Variants in OLA1 observed in about 807,000 individuals in gnomAD.
OLA1 encodes the protein Obg like ATPase 1.
A neutral mutation model predicts 48.4 loss-of-function variants in OLA1; 14 were observed. The ratio of observed to expected loss-of-function variants is 0.29; its 90% CI spans 0.19 to 0.45. OLA1 has a LOEUF of 0.45. Ranked by LOEUF, OLA1 falls within the 20% of genes least tolerant of loss-of-function variation. OLA1 has a pLI of 1.00. For synonymous variants in OLA1, 127 were observed against 150.4 expected, an observed-to-expected ratio of 0.84 and a Z score of 1.14; for missense variants, 325 against 467.1, an observed-to-expected ratio of 0.70 and a Z score of 2.80.
chr2:174,101,755 G>A (rs1685402510), intron 7 of OLA1, among the ~76,000 whole-genome samples: 1 of 152,190 alleles, frequency 6.6e-6, no homozygotes, highest in Non-Finnish European at 1.5e-5. Context: ...TGCAGTTTTA[G>A]TCTTGCTTGA....
At chr2:174,128,489 G>C (rs1686097526) in intron 5 of OLA1, among the ~76,000 whole-genome samples, 1 of 151,700 alleles carries the variant, frequency 6.6e-6, no homozygotes, top group African/African-American at 2.4e-5. Context: ...TAGCACTTTG[G>C]GAAGCCAAGG....
At chr2:174,239,242 C>A (rs1310003952) in intron 2 of OLA1, among the ~76,000 whole-genome samples, 2 of 152,006 alleles carry the variant, frequency 1.3e-5, no homozygotes, top group Non-Finnish European at 2.9e-5. Context: ...AATATATGTA[C>A]AAAATTTCAA....
chr2:174,232,729 A>G (rs1217449334), intron 2 of OLA1, among the ~76,000 whole-genome samples: 7 of 152,238 alleles, frequency 4.6e-5, no homozygotes, highest in African/African-American at 1.7e-4. Context: ...GCAAGAGTAC[A>G]GAGAAATTAG....
chr2:174,101,181 T>TTGG (rs1173541500), intron 7 of OLA1, among the ~76,000 whole-genome samples: 2 of 152,192 alleles, frequency 1.3e-5, no homozygotes, highest in Non-Finnish European at 2.9e-5. Context: ...TTATCCACAC[T>TTGG]TGGTGGTGTT....
chr2:174,208,807 C>A (rs1239820568), intron 4 of OLA1, among the ~76,000 whole-genome samples: 1 of 152,192 alleles, frequency 6.6e-6, no homozygotes, highest in African/African-American at 2.4e-5. Flanking sequence ...ATTCCCTTAG[C>A]CAGGTTCTCT....
intron 4 of OLA1, among the ~76,000 whole-genome samples, chr2:174,202,813 G>A (rs1688020659): frequency 6.6e-6 from 1 of 151,882 alleles, no homozygotes; most frequent in Non-Finnish European, 1.5e-5. Flanking sequence ...TCAAAAATAC[G>A]GTATATAACA....
chr2:174,166,122 TAA>T (rs56760276), intron 4 of OLA1, among the ~76,000 whole-genome samples: 57,773 of 143,380 alleles, frequency 0.4, 13,023 homozygotes, highest in East Asian at 0.94. Context: ...GAGACTCCAT[TAA>T]AAAAAAAAAA....
At chr2:174,185,905 T>C (rs1391384395) in intron 4 of OLA1, among the ~76,000 whole-genome samples, 2 of 152,000 alleles carry the variant, frequency 1.3e-5, no homozygotes, top group Non-Finnish European at 2.9e-5. Context: ...CCAGCCTAGA[T>C]GACAAAGCAA....
chr2:174,081,105 C>T, intron 9 of OLA1, 47 bp downstream of exon 9: 1 of 1,469,354 alleles, frequency 6.8e-7, no homozygotes. Flanking sequence ...AATCTGAATT[C>T]AATAGTGTGG....
chr2:174,082,625 CAG>C (rs1405003184), intron 7 of OLA1, among the ~76,000 whole-genome samples: 1 of 152,070 alleles, frequency 6.6e-6, no homozygotes, highest in Non-Finnish European at 1.5e-5. Context: ...TGCAGAAATA[CAG>C]ATTTACAAAT....
chr2:174,200,170 A>G (rs1035652105), intron 4 of OLA1, among the ~76,000 whole-genome samples: 2 of 152,154 alleles, frequency 1.3e-5, no homozygotes, highest in African/African-American at 2.4e-5. Flanking sequence ...TACGGTAAAT[A>G]CTGATTGACA....
At chr2:174,130,609 C>G (rs188270324) in intron 5 of OLA1, among the ~76,000 whole-genome samples, 1 of 152,242 alleles carries the variant, frequency 6.6e-6, no homozygotes, top group Non-Finnish European at 1.5e-5. Context: ...AGGCAACTGT[C>G]CCTATGATTC....
At chr2:174,095,849 G>A (rs1032973172) in intron 7 of OLA1, among the ~76,000 whole-genome samples, 3 of 151,994 alleles carry the variant, frequency 2.0e-5, no homozygotes, top group African/African-American at 7.2e-5. Context: ...CAGAAATTAA[G>A]TTTAAAAATA....
intron 4 of OLA1, among the ~76,000 whole-genome samples, chr2:174,167,106 T>C (rs1175362355): frequency 6.6e-6 from 1 of 151,978 alleles, no homozygotes; most frequent in Non-Finnish European, 1.5e-5. Context: ...CAACACAACA[T>C]TTAGCCTATC....
At chr2:174,220,080 C>T (rs150770392) in intron 4 of OLA1, among the ~76,000 whole-genome samples, 67 of 152,100 alleles carry the variant, frequency 4.4e-4, no homozygotes, top group Non-Finnish European at 7.5e-4. Context: ...TTCAGTGAGC[C>T]GAGATGATGC....
rs754969569 is a variant in OLA1, at chr2:174,079,835, C to A, written c.967-745G>T. Among the ~76,000 whole-genome samples, 4 of 151,900 alleles carry A rather than the reference C, an allele frequency of 2.6e-5. No individual in the cohort carries two copies. The East Asian group carries it at 7.7e-4, about 29-fold the overall frequency. On this transcript the variant is annotated intron_variant, in intron 9 of 10. Coordinates refer to ENST00000284719, the MANE Select transcript of OLA1 (RefSeq NM_013341.5). ...CTGACACTAGAAAGCACAGTTTTTA[C>A]AATAAAAGATGTATTGGGTTAATAT...
intron 4 of OLA1, among the ~76,000 whole-genome samples, chr2:174,202,651 G>C (rs1282840071): frequency 1.3e-5 from 2 of 151,810 alleles, no homozygotes; most frequent in Non-Finnish European, 2.9e-5. Context: ...CACTTAATAG[G>C]GACCGTAGAT....
At chr2:174,077,879 G>A (rs370432283) in intron 10 of OLA1, among the ~76,000 whole-genome samples, 9 of 151,916 alleles carry the variant, frequency 5.9e-5, no homozygotes, top group African/African-American at 1.2e-4. Context: ...ATTTTTGTTC[G>A]TCTAATTAGT....
chr2:174,089,182 G>C (rs914091321), intron 7 of OLA1, among the ~76,000 whole-genome samples: 1 of 152,048 alleles, frequency 6.6e-6, no homozygotes, highest in African/African-American at 2.4e-5. Context: ...CCAAATGAGT[G>C]AGACCTCATC....
Sources: allele counts gnomAD v4.1 joint callset (sites outside exome capture counted in the v4.1 genomes callset), GRCh38; gene constraint gnomAD v4.1.1; transcripts MANE v1.5; gene names NCBI Gene and HGNC (gene_info 2026-07-23, HGNC 2026-07-21).